The following PRKAR1A variants were observed in gnomAD, a reference collection of about 807,000 sequenced individuals.
PRKAR1A encodes the protein cAMP-dependent protein kinase type I-alpha regulatory subunit.
Under a neutral mutation model 52.0 loss-of-function variants are expected in PRKAR1A, and 3 were observed. The observed-to-expected ratio is 0.06, with a 90% CI of 0.03 to 0.15. PRKAR1A has a LOEUF of 0.15. Among genes scored for constraint, PRKAR1A ranks in the 10% least tolerant of loss-of-function variants. The pLI is 1.00. For missense variants in PRKAR1A, 240 were observed against 477.4 expected, an observed-to-expected ratio of 0.50 and a Z score of 4.63; for synonymous variants, 188 against 168.4, an observed-to-expected ratio of 1.12 and a Z score of -0.90.
downstream of PRKAR1A, chr17:68,536,474 T>G (rs1194562005): frequency 1.3e-5 from 6 of 453,934 alleles, 1 homozygote; most frequent in South Asian, 9.3e-5. Flanking sequence ...TACTACACTT[T>G]CTTCTAAGGG....
At chr17:68,427,268 CAAG>C in the PRKAR1A span, 5 of 1,596,034 alleles carry the variant, frequency 3.1e-6, no homozygotes, top group East Asian at 1.1e-4. Context: ...TTGTGACAAT[CAAG>C]AGGAGGTGAA....
At chr17:68,524,847 T>C (rs919659779) in intron 5 of PRKAR1A, 65 bp from the exon 6 acceptor site, 20 of 1,287,402 alleles carry the variant, frequency 1.6e-5, no homozygotes, top group Non-Finnish European at 2.0e-5. Context: ...TATTGTTTTG[T>C]AATAATTTTG....
At chr17:68,515,781 T>A in intron 2 of PRKAR1A, 1 of 653,520 alleles carries the variant, frequency 1.5e-6, no homozygotes, top group Non-Finnish European at 2.5e-6. Flanking sequence ...AAAATGAACC[T>A]GTATGCTAAC....
intron 7 of PRKAR1A, among the ~76,000 whole-genome samples, chr17:68,527,051 A>G (rs9889466): frequency 0.019 from 2,826 of 152,340 alleles, 95 homozygotes; most frequent in African/African-American, 0.064. Context: ...CAGGAATACT[A>G]TTAGTAAAAG....
chr17:68,482,115 A>G, the PRKAR1A span, among the ~76,000 whole-genome samples: 1 of 152,328 alleles, frequency 6.6e-6, no homozygotes, highest in South Asian at 2.1e-4. Context: ...CAGGTCAGAG[A>G]CGATGTCTCC....
At chr17:68,421,775 A>C in the PRKAR1A span, 8 of 1,614,174 alleles carry the variant, frequency 5.0e-6, no homozygotes, top group South Asian at 6.6e-5. Context: ...GCTTCTCATC[A>C]TGACTGCTTC....
the PRKAR1A span, among the ~76,000 whole-genome samples, chr17:68,423,333 C>T: frequency 6.6e-6 from 1 of 152,220 alleles, no homozygotes; most frequent in African/African-American, 2.4e-5. This position sits in a 1 kb window ranked among gnomAD's most constrained non-coding sequence, Gnocchi z 4.4. Flanking sequence ...CAGGAGCATG[C>T]ATGCCTCTGG....
chr17:68,435,540 G>T, the PRKAR1A span: 1 of 1,382,148 alleles, frequency 7.2e-7, no homozygotes, highest in Non-Finnish European at 1.0e-6. Flanking sequence ...ATGTCACCAG[G>T]TTTGTTCAAT....
At position 68,532,666 on chromosome 17, in the gene PRKAR1A, T is replaced by C; in HGVS notation, c.*2217T>C. 1.9e-6 allele frequency: 2 copies of C among 1,066,342 alleles called. No homozygotes were observed. The highest frequency in any genetic ancestry group is 2.3e-6 in the Non-Finnish European group (2 of 879,658). The allele number at this position is 1,066,342 out of a possible 1,614,324, so 66.1% of individuals were successfully genotyped here. On this transcript the variant is annotated 3_prime_UTR_variant, in exon 11 of 11. Transcript: ENST00000589228. ...GGACCGTTTTGTATTGCTTCCTGAT[T>C]ACCAGTCTGATTATACCATGTGTGC...
the PRKAR1A span, among the ~76,000 whole-genome samples, chr17:68,467,793 T>A: frequency 6.6e-6 from 1 of 152,200 alleles, no homozygotes; most frequent in African/African-American, 2.4e-5. Context: ...CACCAGCTCT[T>A]TAGGTACACT....
In PRKAR1A at chr17:68,530,116, C is replaced by G. The variant is rs750686128; in HGVS notation, c.973+115C>G. 3.2e-5 allele frequency: 47 copies of G among 1,479,040 alleles called. 1 individual carries two copies. Among genetic ancestry groups the G allele is most frequent in the Middle Eastern group, 4.2e-4 (2 of 4,740 alleles). The allele number at this position is 1,479,040 out of a possible 1,614,324, so 91.6% of individuals were successfully genotyped here. A position where few individuals can be genotyped will look rare whatever the true frequency, so the allele number is the denominator to read the frequency against. ...CTGAATTTTATTTTCTAACTGCAGT[C>G]TTTTTTGGCTCTGAGAGGGAAGGTG... On this transcript the variant is annotated intron_variant, in intron 10 of 10. Coordinates refer to ENST00000589228, the MANE Select transcript of PRKAR1A (RefSeq NM_002734.5).
chr17:68,489,239 ATATATATATATATATATATATGGAAAG>A, the PRKAR1A span, among the ~76,000 whole-genome samples: 55 of 19,362 alleles, frequency 2.8e-3, 1 homozygote, highest in East Asian at 0.011. Flanking sequence ...TGGAAAGTAT[ATATATATATATATATATATATGGAAAG>A]TATATATATA....
At chr17:68,550,689 C>T (rs1349964657) in intron 11 of PRKAR1A, among the ~76,000 whole-genome samples, 1 of 152,110 alleles carries the variant, frequency 6.6e-6, no homozygotes, top group East Asian at 1.9e-4. Context: ...CAGAGGAACT[C>T]TTTATACGGC....
chr17:68,430,182 A>G, the PRKAR1A span: 2 of 1,602,008 alleles, frequency 1.2e-6, no homozygotes, highest in Non-Finnish European at 1.7e-6. Flanking sequence ...TGCACAGGCA[A>G]CGATGGGACT....
In PRKAR1A at chr17:68,533,091, ACAT is replaced by A. The variant is rs1488247219; in HGVS notation, c.*2646_*2648del. ...GAACTTTCCCAGACTTAATGGGGAAACATCATTTCTAGATTAGCATACTCTTTG... is the reference window on the plus strand; with the variant it reads ...GAACTTTCCCAGACTTAATGGGGAAACATTTCTAGATTAGCATACTCTTTG... On this transcript the variant is annotated 3_prime_UTR_variant, in exon 11 of 11. Transcript: ENST00000589228. 5.6e-6 allele frequency: 6 copies of A among 1,065,310 alleles called. No homozygotes were observed. The highest frequency in any genetic ancestry group is 3.3e-5 in the African/African-American group (2 of 61,092). 66.0% of individuals were successfully genotyped at this position (1,065,310 alleles called of 1,614,324 possible).
At chr17:68,416,884 T>A in the PRKAR1A span, among the ~76,000 whole-genome samples, 2 of 152,196 alleles carry the variant, frequency 1.3e-5, no homozygotes, top group East Asian at 3.8e-4. Context: ...TTGTATTGAT[T>A]TTTGGATTTC....
downstream of PRKAR1A, chr17:68,537,249 A>T: frequency 1.5e-6 from 1 of 688,462 alleles, no homozygotes; most frequent in Non-Finnish European, 2.6e-6. The surrounding 1 kb of genome is among the most constrained non-coding windows in gnomAD (Gnocchi z 4.2). Flanking sequence ...TGATGAAGCC[A>T]GTGCTTTTTG....
At chr17:68,448,676 C>T in the PRKAR1A span, among the ~76,000 whole-genome samples, 8 of 152,210 alleles carry the variant, frequency 5.3e-5, no homozygotes, top group Admixed American at 1.3e-4. Flanking sequence ...CCGGTCTTTA[C>T]AGATCATTTG....
upstream of PRKAR1A, among the ~76,000 whole-genome samples, chr17:68,510,159 C>CAGAGAGAGGAGAGAGAGAGAGAG (rs1555810694): frequency 7.8e-6 from 1 of 127,520 alleles, no homozygotes; most frequent in Non-Finnish European, 1.7e-5. Context: ...TATATGTAGA[C>CAGAGAGAGGAGAGAGAGAGAGAG]AGAGAGAGAG....
Sources: allele counts gnomAD v4.1 joint callset (sites outside exome capture counted in the v4.1 genomes callset), GRCh38; gene constraint gnomAD v4.1.1; non-coding constraint Gnocchi (gnomAD v3.1); transcripts MANE v1.5; gene names NCBI Gene and HGNC (gene_info 2026-07-23, HGNC 2026-07-21).